Variants in SLC4A8 observed in about 807,000 individuals in gnomAD.
SLC4A8 encodes solute carrier family 4 member 8, also known as electroneutral sodium bicarbonate exchanger 1.
SLC4A8 carries 40 observed loss-of-function variants against 125.0 expected under a neutral mutation model. The observed-to-expected ratio is 0.32, with a 90% CI of 0.25 to 0.42. The LOEUF (loss-of-function observed/expected upper bound fraction) is 0.42. Ranked by LOEUF, SLC4A8 falls within the 10% of genes least tolerant of loss-of-function variation. SLC4A8 has a pLI of 1.00. For missense variants in SLC4A8, 863 were observed against 1,355.1 expected, an observed-to-expected ratio of 0.64 and a Z score of 5.70; for synonymous variants, 456 against 476.0, an observed-to-expected ratio of 0.96 and a Z score of 0.55.
At chr12:51,448,704 A>G (rs758019819) in intron 2 of SLC4A8, among the ~76,000 whole-genome samples, 13 of 152,158 alleles carry the variant, frequency 8.5e-5, no homozygotes, top group Non-Finnish European at 1.6e-4. Flanking sequence ...GTGGGCTCTC[A>G]AGAAAGTCTT....
rs1950364175 is a variant in SLC4A8, at chr12:51,462,550, T to G, written c.1248+94T>G. On this transcript the variant is annotated intron_variant, in intron 10 of 24. Transcript: ENST00000453097. ...ACCATGTGGGTATATGCTAAATATA[T>G]CAAGATGCAGCTCTGTTTTGGTGCA... 3.2e-6 allele frequency: 3 copies of G among 950,302 alleles called. No homozygotes were observed. In the East Asian group the frequency reaches 8.4e-5, roughly 27 times the overall value. 58.9% of individuals were successfully genotyped at this position (950,302 alleles called of 1,614,324 possible). A position where few individuals can be genotyped will look rare whatever the true frequency, so the allele number is the denominator to read the frequency against.
At position 51,417,379 on chromosome 12, in the gene SLC4A8, C is replaced by G. The variant is rs1283282696; in HGVS notation, c.-111-23329C>G. On this transcript the variant is annotated intron_variant, in intron 1 of 24. Transcript: ENST00000358657. ...TTTTTTTTTTTGAGATGGAGTCTTGCTCTGTTGCCCAGGTTGGAGTGCAAT... is the reference window on the plus strand; with the variant it reads ...TTTTTTTTTTTGAGATGGAGTCTTGGTCTGTTGCCCAGGTTGGAGTGCAAT... Among the ~76,000 whole-genome samples the G allele has an allele frequency of 4.0e-5, 6 of 151,608 alleles. No homozygotes were observed. In the East Asian group the frequency reaches 1.2e-3, roughly 30 times the overall value.
chr12:51,506,506 C>T (rs1355991861), intron 24 of SLC4A8, among the ~76,000 whole-genome samples: 1 of 151,974 alleles, frequency 6.6e-6, no homozygotes, highest in African/African-American at 2.4e-5. Flanking sequence ...ACAATCTCAG[C>T]TCACTGTAAT....
intron 1 of SLC4A8, among the ~76,000 whole-genome samples, chr12:51,434,592 A>G (rs1306967120): frequency 1.3e-5 from 2 of 152,196 alleles, no homozygotes; most frequent in Non-Finnish European, 2.9e-5. Context: ...AAACTAACAA[A>G]CAGCAAGAAA....
intron 3 of SLC4A8, among the ~76,000 whole-genome samples, 200 bp downstream of exon 3, chr12:51,451,222 A>G (rs1201083170): frequency 6.6e-6 from 1 of 152,218 alleles, no homozygotes; most frequent in Non-Finnish European, 1.5e-5. Flanking sequence ...GGCTGGGACT[A>G]CAGGCGCCCG....
At chr12:51,452,588 GCCACCTTGGTGGGGACC>G (rs1379036652) in intron 4 of SLC4A8, among the ~76,000 whole-genome samples, 1 of 152,156 alleles carries the variant, frequency 6.6e-6, no homozygotes, top group East Asian at 1.9e-4. Flanking sequence ...TGTAGACAGG[GCCACCTTGGTGGGGACC>G]TAGTTTAGCA....
Position 51,458,567 on chromosome 12 carries a change from G to A in SLC4A8, c.772G>A (p.Val258Met), listed in dbSNP as rs1281043262. The change falls in exon 7 of 25, where the codon GTG becomes ATG. Residue 258 changes from valine (V) to methionine (M), a missense_variant. Transcript: ENST00000453097. ...TTATTTTCTCCAAATAGGTCAAACC[G>A]TGTCTCCTCAGTCTGTTCCAACTAC... ...PHLMDKHGQT[V>M]SPQSVPTTNL... 2.5e-5 allele frequency: 40 copies of A among 1,612,126 alleles called. No individual in the cohort carries two copies. Among genetic ancestry groups the A allele is most frequent in the Middle Eastern group, 1.6e-4 (1 of 6,076 alleles).
At position 51,490,655 on chromosome 12, in the gene SLC4A8, G is replaced by T. The variant is rs530754365; in HGVS notation, c.2700+704G>T. Reference sequence around the variant, plus strand: ...GAGGGGAGAAAAGCAGTCTAGTCAGGCCCTTAGGTGGGAAAGAGTGATATG... The same window carrying T: ...GAGGGGAGAAAAGCAGTCTAGTCAGTCCCTTAGGTGGGAAAGAGTGATATG... On this transcript the variant is annotated intron_variant, in intron 19 of 24. Coordinates refer to ENST00000453097, the MANE Select transcript of SLC4A8 (RefSeq NM_001039960.3). Among the ~76,000 whole-genome samples, 88 of 151,988 alleles carry T rather than the reference G, an allele frequency of 5.8e-4. 1 individual carries two copies. The highest frequency in any genetic ancestry group is 2.1e-3 in the African/African-American group (87 of 41,486).
intron 17 of SLC4A8, among the ~76,000 whole-genome samples, chr12:51,486,404 C>T (rs949675339): frequency 6.6e-6 from 1 of 152,152 alleles, no homozygotes; most frequent in Non-Finnish European, 1.5e-5. Flanking sequence ...AGTCTAGGGC[C>T]CCTGCCGGAG....
intron 1 of SLC4A8, among the ~76,000 whole-genome samples, chr12:51,404,397 G>A (rs1303271609): frequency 6.6e-6 from 1 of 152,094 alleles, no homozygotes; most frequent in Non-Finnish European, 1.5e-5. Flanking sequence ...TTCAGATGAG[G>A]CCCTCCTCAC....
chr12:51,453,516 C>G (rs574054208), intron 4 of SLC4A8, 23 bp from the exon 5 acceptor site: 4 of 1,605,022 alleles, frequency 2.5e-6, no homozygotes, highest in East Asian at 2.2e-5. Flanking sequence ...TCTTTGGCAT[C>G]TAGTTATTTG....
chr12:51,419,762 G>A (rs1168683137), intron 1 of SLC4A8, among the ~76,000 whole-genome samples: 2 of 152,222 alleles, frequency 1.3e-5, no homozygotes, highest in Non-Finnish European at 2.9e-5. Context: ...CAGAAGTCAG[G>A]TTTTGCCATT....
chr12:51,399,975 C>T (rs1017046893), intron 1 of SLC4A8, among the ~76,000 whole-genome samples: 9 of 142,640 alleles, frequency 6.3e-5, no homozygotes, highest in African/African-American at 1.8e-4. Flanking sequence ...AGCAACACTT[C>T]GTCTCAAAAA....
In SLC4A8 at chr12:51,405,335, G is replaced by A. The variant is rs542915133; in HGVS notation, c.-112+13847G>A. Among the ~76,000 whole-genome samples the A allele has an allele frequency of 4.6e-5, 7 of 152,244 alleles. No homozygotes were observed. In the South Asian group the frequency reaches 8.3e-4, roughly 18 times the overall value. On this transcript the variant is annotated intron_variant, in intron 1 of 24. Coordinates refer to the SLC4A8 transcript ENST00000358657. ...GGTTAGTGTCTGGCCTATTCCAAGCGCTTCAGGACATACTGTACCTCATTC... is the reference window on the plus strand; with the variant it reads ...GGTTAGTGTCTGGCCTATTCCAAGCACTTCAGGACATACTGTACCTCATTC...
At chr12:51,446,363 C>T (rs142191483) in intron 2 of SLC4A8, among the ~76,000 whole-genome samples, 1,638 of 152,318 alleles carry the variant, frequency 0.011, 21 homozygotes, top group South Asian at 0.021. Flanking sequence ...ATCCTCTAAT[C>T]CTTACTGTTT....
At chr12:51,480,106 A>G (rs988484525) in intron 16 of SLC4A8, 1 of 387,168 alleles carries the variant, frequency 2.6e-6, no homozygotes, top group Non-Finnish European at 4.8e-6. Flanking sequence ...ACAGCCAGCT[A>G]ATTTTTGTAT....
intron 11 of SLC4A8, 133 bp downstream of exon 11, chr12:51,463,847 G>T (rs1443176885): frequency 4.9e-6 from 3 of 607,218 alleles, no homozygotes; most frequent in Non-Finnish European, 8.9e-6. Context: ...TTTTCAAATG[G>T]AACCACTGAC....
chr12:51,452,182 G>A lies in SLC4A8; in HGVS notation c.336G>A (p.Val112=), dbSNP rs761472341. 9.9e-6 allele frequency: 16 copies of A among 1,613,816 alleles called. No homozygotes were observed. The Admixed American group carries it at 2.3e-4, about 24-fold the overall frequency. Residue 112 remains valine (V), a synonymous_variant, in exon 4 of 25, where the codon GTG becomes GTA. Coordinates refer to ENST00000453097, the MANE Select transcript of SLC4A8 (RefSeq NM_001039960.3). ...GCACCGAGGAAGATGAAGAGCATGT[G>A]CCTCATGAGCTGTTTACAGAGCTGG... ...ILGTEEDEEH[V]PHELFTELDE... is the part of the protein sequence containing the mutation.
intron 1 of SLC4A8, among the ~76,000 whole-genome samples, chr12:51,431,009 C>G (rs905432882): frequency 6.6e-6 from 1 of 152,170 alleles, no homozygotes; most frequent in Non-Finnish European, 1.5e-5. Flanking sequence ...GGACTAAAAT[C>G]AAAGTGTTGG....
Sources: allele counts gnomAD v4.1 joint callset (sites outside exome capture counted in the v4.1 genomes callset), GRCh38; gene constraint gnomAD v4.1.1; transcripts MANE v1.5; gene names NCBI Gene and HGNC (gene_info 2026-07-23, HGNC 2026-07-21).